Variants in AGAP1 observed in about 807,000 individuals in gnomAD.
AGAP1 encodes arf-GAP with GTPase, ANK repeat and PH domain-containing protein 1.
A neutral mutation model predicts 105.3 loss-of-function variants in AGAP1; 29 were observed. The ratio of observed to expected loss-of-function variants is 0.28; its 90% CI spans 0.21 to 0.38. The LOEUF is 0.38. Ranked by LOEUF, AGAP1 falls within the 10% of genes least tolerant of loss-of-function variation. The pLI, the probability that AGAP1 is intolerant of heterozygous loss-of-function variation, is 1.00. For synonymous variants in AGAP1, 509 were observed against 485.9 expected (o/e 1.05, Z -0.63); for missense variants, 998 against 1,165.1 (o/e 0.86, Z 2.09).
At position 235,689,316 on chromosome 2, in the gene AGAP1, C is replaced by T. The variant is rs912325004; in HGVS notation, c.164-19863C>T. ...AGGTTGCCGTGTCCACAAGTCACTG[C>T]ACAGCTCACCACGCGGGCCTGGAGT... On this transcript the variant is annotated intron_variant, in intron 1 of 17. Coordinates refer to ENST00000304032, the MANE Select transcript of AGAP1 (RefSeq NM_001037131.3). This position sits in a 1 kb window ranked among gnomAD's most constrained non-coding sequence, Gnocchi z 4.2. 2.6e-5 allele frequency among the ~76,000 whole-genome samples: 4 copies of T among 152,214 alleles called. No individual in the cohort carries two copies. Among genetic ancestry groups the T allele is most frequent in the Non-Finnish European group, 4.4e-5 (3 of 68,038 alleles).
intron 6 of AGAP1, among the ~76,000 whole-genome samples, chr2:235,780,775 G>A (rs1956212583): frequency 6.6e-6 from 1 of 152,216 alleles, no homozygotes; most frequent in African/African-American, 2.4e-5. Flanking sequence ...TTTGAAGATA[G>A]TTCTCCCGCT....
In AGAP1 at chr2:235,982,884, T is replaced by C. The variant is rs2055155203; in HGVS notation, c.1645+14261T>C. On this transcript the variant is annotated intron_variant, in intron 13 of 17. Transcript: ENST00000304032. This position sits in a 1 kb window ranked among gnomAD's most constrained non-coding sequence, Gnocchi z 4.9. The stretch of plus-strand genomic sequence containing the variant: ...AGCTTAGTTTGCCCAGGAGAGCCAC[T>C]TTTTCCCACGTTCTTTTACTTGAGT... Among the ~76,000 whole-genome samples, 1 of 152,352 alleles carries C rather than the reference T, an allele frequency of 6.6e-6. No individual in the cohort carries two copies. Among genetic ancestry groups the C allele is most frequent in the East Asian group, 1.9e-4 (1 of 5,184 alleles).
chr2:235,561,605 A>G (rs886799614), intron 1 of AGAP1, among the ~76,000 whole-genome samples: 7 of 152,120 alleles, frequency 4.6e-5, no homozygotes, highest in East Asian at 1.9e-4. Context: ...GCCCCAGGCA[A>G]GTGTTCTTGA....
At chr2:236,100,121 G>A (rs1035233534) in intron 16 of AGAP1, among the ~76,000 whole-genome samples, 5 of 150,038 alleles carry the variant, frequency 3.3e-5, no homozygotes, top group Admixed American at 6.6e-5. Flanking sequence ...CTTTGCAACC[G>A]TAGAGATCCA....
chr2:235,721,477 ATGTGTG>A lies in AGAP1; in HGVS notation c.310+3855_310+3860del, dbSNP rs57069910. Among the ~76,000 whole-genome samples the A allele has an allele frequency of 1.7e-3, 255 of 149,724 alleles. No individual in the cohort carries two copies. Among genetic ancestry groups the A allele is most frequent in the Admixed American group, 2.6e-3 (40 of 15,096 alleles). ...TTGGATTGACAGATTCCTTAATATT[ATGTGTG>A]TGTGTGTGTGTGTGTGTGTGTACAC... On this transcript the variant is annotated intron_variant, in intron 3 of 17. Coordinates refer to ENST00000304032, the MANE Select transcript of AGAP1 (RefSeq NM_001037131.3). This position sits in a 1 kb window ranked among gnomAD's most constrained non-coding sequence, Gnocchi z 4.5.
Position 235,900,770 on chromosome 2 carries a change from TG to T in AGAP1, c.1156-7967del, listed in dbSNP as rs2051029096. 1.3e-5 allele frequency among the ~76,000 whole-genome samples: 2 copies of T among 152,218 alleles called. No individual in the cohort carries two copies. The highest frequency in any genetic ancestry group is 4.1e-4 in the South Asian group (2 of 4,830). On this transcript the variant is annotated intron_variant, in intron 10 of 17. Coordinates refer to ENST00000304032, the MANE Select transcript of AGAP1 (RefSeq NM_001037131.3). This position sits in a 1 kb window ranked among gnomAD's most constrained non-coding sequence, Gnocchi z 5.5. The stretch of plus-strand genomic sequence containing the variant: ...TCCATAAGCATGAGCTGTTTGCCTC[TG>T]TGCATGCTACACATCTGATTGGCCA...
chr2:235,662,752 G>T lies in AGAP1; in HGVS notation c.164-46427G>T, dbSNP rs912354867. The stretch of plus-strand genomic sequence containing the variant: ...GTGCTCAGCAGCTGCAGGAGTTGGG[G>T]TTTTCTGGGCTCACACCCAGCCTGT... On this transcript the variant is annotated intron_variant, in intron 1 of 17. Coordinates refer to ENST00000304032, the MANE Select transcript of AGAP1 (RefSeq NM_001037131.3). This position sits in a 1 kb window ranked among gnomAD's most constrained non-coding sequence, Gnocchi z 4.2. Among the ~76,000 whole-genome samples the T allele has an allele frequency of 6.6e-6, 1 of 152,168 alleles. No homozygotes were observed. The highest frequency in any genetic ancestry group is 1.5e-5 in the Non-Finnish European group (1 of 68,028).
chr2:236,092,963 G>T lies in AGAP1; in HGVS notation c.2115-27229G>T, dbSNP rs2059101819. Among the ~76,000 whole-genome samples the T allele has an allele frequency of 6.6e-6, 1 of 152,188 alleles. No homozygotes were observed. Among genetic ancestry groups the T allele is most frequent in the Non-Finnish European group, 1.5e-5 (1 of 68,038 alleles). ...CCAGGCCTCCCACTGGCCAAATCTG[G>T]AACAATTGAAGCATCTAAAAGAATA... On this transcript the variant is annotated intron_variant, in intron 16 of 17. Coordinates refer to ENST00000304032, the MANE Select transcript of AGAP1 (RefSeq NM_001037131.3). The surrounding 1 kb of genome is among the most constrained non-coding windows in gnomAD (Gnocchi z 4.7).
intron 1 of AGAP1, among the ~76,000 whole-genome samples, chr2:235,580,242 A>G (rs1944885134): frequency 6.6e-6 from 1 of 151,836 alleles, no homozygotes; most frequent in African/African-American, 2.4e-5. Context: ...TGCCATTTTC[A>G]CCTCTTTGGA....
intron 3 of AGAP1, among the ~76,000 whole-genome samples, chr2:235,722,494 G>T (rs1186988301): frequency 6.6e-6 from 1 of 152,170 alleles, no homozygotes; most frequent in Non-Finnish European, 1.5e-5. Flanking sequence ...GTGGCTGTCA[G>T]CAATCCATGC....
At chr2:235,681,843 CTTTTTTTTTTTT>C (rs56934868) in intron 1 of AGAP1, among the ~76,000 whole-genome samples, 3 of 78,302 alleles carry the variant, frequency 3.8e-5, no homozygotes, top group South Asian at 7.1e-4. Context: ...ATTTAGTTTG[CTTTTTTTTTTTT>C]TTTTTTTTTT....
In AGAP1 at chr2:235,930,694, A is replaced by C; in HGVS notation, c.1325-71A>C. On this transcript the variant is annotated intron_variant, in intron 11 of 17. Coordinates refer to ENST00000304032, the MANE Select transcript of AGAP1 (RefSeq NM_001037131.3). The surrounding 1 kb of genome is among the most constrained non-coding windows in gnomAD (Gnocchi z 7.9). The stretch of plus-strand genomic sequence containing the variant: ...CACTATGTGCCAGCGTGTGGGTCCC[A>C]TAGACTAACTCGCGCTGGTTTCTGT... The C allele has an allele frequency of 2.6e-6, 4 of 1,509,798 alleles. No homozygotes were observed. The highest frequency in any genetic ancestry group is 3.6e-6 in the Non-Finnish European group (4 of 1,113,310). 93.5% of individuals were successfully genotyped at this position (1,509,798 alleles called of 1,614,324 possible).
At chr2:236,029,645 G>A (rs2057165901) in intron 13 of AGAP1, among the ~76,000 whole-genome samples, 1 of 151,556 alleles carries the variant, frequency 6.6e-6, no homozygotes, top group Non-Finnish European at 1.5e-5. Flanking sequence ...AGCACTTTTG[G>A]GTGTTTTTGC....
chr2:236,088,903 T>G (rs2058993923), intron 16 of AGAP1, among the ~76,000 whole-genome samples: 2 of 152,220 alleles, frequency 1.3e-5, no homozygotes, highest in Admixed American at 1.3e-4. Flanking sequence ...GAATAGTTGC[T>G]TAACAGGGCA....
At chr2:235,850,885 G>A (rs921575341) in intron 9 of AGAP1, among the ~76,000 whole-genome samples, 5 of 152,198 alleles carry the variant, frequency 3.3e-5, no homozygotes, top group African/African-American at 4.8e-5. Flanking sequence ...AAGTCCATCT[G>A]GGGGATTGTG....
chr2:236,009,604 A>G lies in AGAP1; in HGVS notation c.1646-26957A>G, dbSNP rs1031508045. On this transcript the variant is annotated intron_variant, in intron 13 of 17. Transcript: ENST00000304032. The surrounding 1 kb of genome is among the most constrained non-coding windows in gnomAD (Gnocchi z 4.2). Reference sequence around the variant, plus strand: ...AATTTACGCTCCCTTCTATGAATAGAGAGGGCTATTTGTTTCATTCAAAGA... The same window carrying G: ...AATTTACGCTCCCTTCTATGAATAGGGAGGGCTATTTGTTTCATTCAAAGA... Among the ~76,000 whole-genome samples the G allele has an allele frequency of 6.6e-6, 1 of 152,196 alleles. No individual in the cohort carries two copies. The highest frequency in any genetic ancestry group is 1.5e-5 in the Non-Finnish European group (1 of 68,030).
chr2:235,908,886 T>C lies in AGAP1; in HGVS notation c.1304T>C (p.Leu435Ser). ...TNGLSKDMSS[L>S]HISPNSGNVT... ...GGCCTATCCAAGGACATGAGCAGTT[T>C]ACACATCTCACCCAATTCAGGTAAG... The change falls in exon 11 of 18, where the codon TTA (leucine) becomes TCA (serine). Residue 435 changes from leucine (L) to serine (S), a missense_variant. This residue lies in a region of AGAP1 where 735 missense variants were observed against 833.4 expected (regional missense o/e 0.88). Transcript: ENST00000304032. The surrounding 1 kb of genome is among the most constrained non-coding windows in gnomAD (Gnocchi z 4.4). 1.9e-6 allele frequency: 3 copies of C among 1,613,214 alleles called. No homozygotes were observed. In the South Asian group the frequency reaches 3.3e-5, roughly 18 times the overall value.
rs990033484 is a variant in AGAP1, at chr2:235,574,265, C to A, written c.163+79416C>A. ...TAAAAACGCCTCTGAGATCCACCCCCACTCCTGCCATCAGGCATTAAAATC... is the reference window on the plus strand; with the variant it reads ...TAAAAACGCCTCTGAGATCCACCCCAACTCCTGCCATCAGGCATTAAAATC... On this transcript the variant is annotated intron_variant, in intron 1 of 17. Transcript: ENST00000304032. This position sits in a 1 kb window ranked among gnomAD's most constrained non-coding sequence, Gnocchi z 5.0. 1.3e-5 allele frequency among the ~76,000 whole-genome samples: 2 copies of A among 152,262 alleles called. No homozygotes were observed. Among genetic ancestry groups the A allele is most frequent in the African/African-American group, 2.4e-5 (1 of 41,472 alleles).
chr2:235,918,059 C>T (rs1382115333), intron 11 of AGAP1, among the ~76,000 whole-genome samples: 1 of 152,134 alleles, frequency 6.6e-6, no homozygotes, highest in Non-Finnish European at 1.5e-5. Context: ...TGTTGTGGGC[C>T]CTGGATGAGC....
Sources: allele counts gnomAD v4.1 joint callset (sites outside exome capture counted in the v4.1 genomes callset), GRCh38; gene constraint gnomAD v4.1.1; regional missense constraint gnomAD v4.1.1; non-coding constraint Gnocchi (gnomAD v3.1); transcripts MANE v1.5; gene names NCBI Gene and HGNC (gene_info 2026-07-23, HGNC 2026-07-21).